COLEC10: variants seen among roughly 807,000 people sequenced by gnomAD.
COLEC10 encodes the protein collectin-10.
COLEC10 carries 22 observed loss-of-function variants against 28.4 expected under a neutral mutation model. The ratio of observed to expected loss-of-function variants is 0.78; its 90% CI spans 0.55 to 1.11. The LOEUF is 1.11. COLEC10 is among the 50% of genes least tolerant of loss of function. The pLI is 0.00. For synonymous variants in COLEC10, 125 were observed against 116.1 expected (o/e 1.08, Z -0.49); for missense variants, 361 against 344.1 (o/e 1.05, Z -0.39).
intron 2 of COLEC10, among the ~76,000 whole-genome samples, chr8:119,041,072 C>T (rs1446806715): frequency 6.6e-6 from 1 of 152,208 alleles, no homozygotes; most frequent in African/African-American, 2.4e-5. Flanking sequence ...GGTGAAACTT[C>T]ACTTTTACTT....
At chr8:119,098,214 T>G (rs1033453646) in intron 3 of COLEC10, among the ~76,000 whole-genome samples, 13 of 152,142 alleles carry the variant, frequency 8.5e-5, no homozygotes, top group African/African-American at 2.9e-4. Context: ...CTAAGGATCT[T>G]AAGCACAGTC....
At chr8:118,990,773 AG>A (rs1261401293), upstream of COLEC10, among the ~76,000 whole-genome samples, 2 of 152,108 alleles carry the variant, frequency 1.3e-5, no homozygotes, top group Non-Finnish European at 1.5e-5. Context: ...GAGAACTTCA[AG>A]GAAATCATGT....
rs1186671236 is a variant in COLEC10, at chr8:119,061,842, G to A, written n.236-27838G>A. The stretch of plus-strand genomic sequence containing the variant: ...AGTCAAGTTAACTCTTAGGATAACA[G>A]CTTGCTGACAAGCCTTCCAATCTTA... On this transcript the variant is annotated intron_variant and non_coding_transcript_variant, in intron 2 of 6. Coordinates refer to the COLEC10 transcript ENST00000521788. Among the ~76,000 whole-genome samples the A allele has an allele frequency of 2.0e-5, 3 of 152,224 alleles. No homozygotes were observed. In the East Asian group the frequency reaches 5.8e-4, roughly 29 times the overall value.
At chr8:119,023,385 A>T (rs140257546) in intron 2 of COLEC10, among the ~76,000 whole-genome samples, 13 of 152,128 alleles carry the variant, frequency 8.5e-5, no homozygotes, top group Admixed American at 8.5e-4. Context: ...TATTTTTGAG[A>T]GTGACAATTT....
chr8:119,094,414 T>C (rs531931589), intron 3 of COLEC10, among the ~76,000 whole-genome samples: 1 of 152,326 alleles, frequency 6.6e-6, no homozygotes, highest in East Asian at 1.9e-4. Context: ...AAATTCAGAC[T>C]TCTGCTACAG....
At chr8:119,039,178 TG>T (rs568249578) in intron 2 of COLEC10, among the ~76,000 whole-genome samples, 20 of 152,112 alleles carry the variant, frequency 1.3e-4, no homozygotes, top group Non-Finnish European at 1.9e-4. Context: ...CTTTTTATTC[TG>T]GAACATGCTC....
intron 1 of COLEC10, among the ~76,000 whole-genome samples, chr8:119,084,971 G>T (rs1322323276): frequency 6.6e-6 from 1 of 152,192 alleles, no homozygotes; most frequent in Non-Finnish European, 1.5e-5. Flanking sequence ...TCTCATTAAA[G>T]CAGACACTGA....
At chr8:118,954,420 G>A in the COLEC10 span, among the ~76,000 whole-genome samples, 3 of 152,276 alleles carry the variant, frequency 2.0e-5, no homozygotes, top group East Asian at 1.9e-4. Flanking sequence ...TGGGCTGCAG[G>A]CTTTGAACAC....
chr8:119,055,838 A>G (rs1234478797), intron 2 of COLEC10, among the ~76,000 whole-genome samples: 1 of 152,064 alleles, frequency 6.6e-6, no homozygotes, highest in Non-Finnish European at 1.5e-5. Flanking sequence ...TTCTGTCTTT[A>G]AAATACCTTG....
intron 1 of COLEC10, among the ~76,000 whole-genome samples, chr8:119,004,116 T>C (rs4273881): frequency 0.58 from 88,722 of 151,890 alleles, 26,601 homozygotes; most frequent in African/African-American, 0.72. Context: ...ATGCTTTTCA[T>C]AGTAAGCAAT....
chr8:118,976,930 G>T, the COLEC10 span, among the ~76,000 whole-genome samples: 1 of 150,946 alleles, frequency 6.6e-6, no homozygotes, highest in African/African-American at 2.4e-5. Flanking sequence ...CCATCAAAAA[G>T]TGGGCGAAGG....
rs183602767 is a variant in COLEC10, at chr8:119,048,078, A to T, written n.235+38525A>T. On this transcript the variant is annotated intron_variant and non_coding_transcript_variant, in intron 2 of 6. Coordinates refer to the COLEC10 transcript ENST00000521788. ...GTACATGTGCAGGTTTGTTACCTGG[A>T]TATATTGCATTCAGGTATTAAGCCT... 1.1e-4 allele frequency among the ~76,000 whole-genome samples: 16 copies of T among 152,258 alleles called. 1 individual carries two copies. The highest frequency in any genetic ancestry group is 3.9e-4 in the African/African-American group (16 of 41,530).
the COLEC10 span, among the ~76,000 whole-genome samples, chr8:118,955,655 A>G: frequency 3.3e-5 from 5 of 152,360 alleles, no homozygotes; most frequent in South Asian, 4.1e-4. Flanking sequence ...AAAACTGCGT[A>G]TATTGACAAA....
intron 1 of COLEC10, 30 bp from the exon 2 acceptor site, chr8:119,089,650 T>A (rs767194097): frequency 6.4e-7 from 1 of 1,559,278 alleles, no homozygotes; most frequent in African/African-American, 1.4e-5. Context: ...TTTGAGATGC[T>A]TCACTCTATC....
intron 2 of COLEC10, among the ~76,000 whole-genome samples, chr8:119,015,874 T>C (rs554175620): frequency 6.6e-6 from 1 of 152,200 alleles, no homozygotes; most frequent in Non-Finnish European, 1.5e-5. Context: ...CAAGCTTTGC[T>C]TTATATATTG....
At chr8:119,037,550 T>C (rs988446172) in intron 2 of COLEC10, among the ~76,000 whole-genome samples, 11 of 152,200 alleles carry the variant, frequency 7.2e-5, no homozygotes, top group African/African-American at 2.7e-4. Flanking sequence ...GCCCTAGAGC[T>C]GAAGCCATAC....
chr8:119,075,472 C>A (rs937265046), intron 1 of COLEC10, among the ~76,000 whole-genome samples: 2 of 152,194 alleles, frequency 1.3e-5, no homozygotes, highest in Non-Finnish European at 2.9e-5. Context: ...TAGCGCCTAA[C>A]TAATGTGGGG....
intron 2 of COLEC10, among the ~76,000 whole-genome samples, chr8:119,040,892 T>C (rs1356858300): frequency 6.6e-6 from 1 of 152,202 alleles, no homozygotes; most frequent in Non-Finnish European, 1.5e-5. Flanking sequence ...CATCTGGTGC[T>C]GTTCTTCTAT....
At chr8:119,034,376 C>T (rs1247220304) in intron 2 of COLEC10, among the ~76,000 whole-genome samples, 1 of 151,502 alleles carries the variant, frequency 6.6e-6, no homozygotes, top group East Asian at 2.0e-4. Flanking sequence ...CGTAACAAAC[C>T]TGCACATTCT....
Sources: allele counts gnomAD v4.1 joint callset (sites outside exome capture counted in the v4.1 genomes callset), GRCh38; gene constraint gnomAD v4.1.1; transcripts MANE v1.5; gene names NCBI Gene and HGNC (gene_info 2026-07-23, HGNC 2026-07-21).